The following GRID2 variants were observed in gnomAD, a reference collection of about 807,000 sequenced individuals.
GRID2 encodes the protein glutamate ionotropic receptor delta type subunit 2, also known as glutamate receptor ionotropic, delta-2.
GRID2 carries 33 observed loss-of-function variants against 114.8 expected under a neutral mutation model. The observed-to-expected ratio is 0.29, with a 90% CI of 0.22 to 0.38. The LOEUF (loss-of-function observed/expected upper bound fraction) is 0.38. Among genes scored for constraint, GRID2 ranks in the 10% least tolerant of loss-of-function variants. The probability of loss-of-function intolerance (pLI) is 1.00; values close to 1 mark genes in which losing one functional copy is unlikely to be tolerated. For missense variants in GRID2, 1,184 were observed against 1,257.7 expected (o/e 0.94, Z 0.89); for synonymous variants, 505 against 449.9 (o/e 1.12, Z -1.55).
intron 7 of GRID2, among the ~76,000 whole-genome samples, chr4:93,235,669 G>A (rs11933318): frequency 0.086 from 13,003 of 152,076 alleles, 653 homozygotes; most frequent in East Asian, 0.25. Context: ...CATGCCAACG[G>A]CTCATTAGGA....
chr4:93,261,858 G>A (rs1750290355), intron 8 of GRID2, among the ~76,000 whole-genome samples: 1 of 151,072 alleles, frequency 6.6e-6, no homozygotes, highest in Admixed American at 6.6e-5. Context: ...CCTTGTTTAT[G>A]TTTTCTGTAT....
At chr4:92,435,422 G>T (rs1264923993) in intron 1 of GRID2, among the ~76,000 whole-genome samples, 3 of 152,178 alleles carry the variant, frequency 2.0e-5, no homozygotes, top group Non-Finnish European at 4.4e-5. Context: ...TACAGTGGAA[G>T]AATGTGCTAC....
intron 2 of GRID2, among the ~76,000 whole-genome samples, chr4:93,039,539 G>C (rs938742793): frequency 6.6e-6 from 1 of 151,874 alleles, no homozygotes; most frequent in African/African-American, 2.4e-5. Context: ...TCATTAGTTG[G>C]AATACAGCAG....
chr4:93,772,036 G>C lies in GRID2; in HGVS notation c.2602-40G>C, dbSNP rs762421930. On this transcript the variant is annotated intron_variant, in intron 15 of 15. Coordinates refer to ENST00000282020, the MANE Select transcript of GRID2 (RefSeq NM_001510.4). ...TTTTTTTTTTTAACCATCAAAGCTA[G>C]TACTGATGAGAACCTTATTTTCTTT... The C allele has an allele frequency of 1.4e-5, 17 of 1,240,038 alleles. No individual in the cohort carries two copies. In the South Asian group the frequency reaches 2.2e-4, roughly 16 times the overall value. The allele number at this position is 1,240,038 out of a possible 1,614,324, so 76.8% of individuals were successfully genotyped here.
intron 3 of GRID2, 98 bp downstream of exon 3, chr4:93,085,377 A>C: frequency 1.1e-6 from 1 of 924,218 alleles, no homozygotes; most frequent in African/African-American, 1.7e-5. Context: ...ACTCATTGTT[A>C]TTTGTGGTTT....
chr4:93,054,984 A>G (rs1727085857), intron 2 of GRID2, among the ~76,000 whole-genome samples: 1 of 151,916 alleles, frequency 6.6e-6, no homozygotes, highest in Non-Finnish European at 1.5e-5. Context: ...GACAAGTACT[A>G]TGTCACTGAC....
At chr4:92,605,790 C>A (rs955965550) in intron 2 of GRID2, among the ~76,000 whole-genome samples, 5 of 152,040 alleles carry the variant, frequency 3.3e-5, no homozygotes, top group African/African-American at 1.2e-4. Flanking sequence ...AATGTCATTC[C>A]TTGCTTGTCA....
At chr4:93,758,685 T>C (rs1732962093) in intron 14 of GRID2, among the ~76,000 whole-genome samples, 1 of 151,202 alleles carries the variant, frequency 6.6e-6, no homozygotes, top group South Asian at 2.1e-4. Context: ...TAAAGGTTAA[T>C]TGTCAGACTC....
At chr4:93,243,779 A>G (rs772467968) in intron 8 of GRID2, among the ~76,000 whole-genome samples, 44 of 152,152 alleles carry the variant, frequency 2.9e-4, no homozygotes, top group Admixed American at 1.4e-3. Flanking sequence ...TAATTTTTAC[A>G]TGTTCTTCTA....
intron 2 of GRID2, among the ~76,000 whole-genome samples, chr4:92,929,418 A>G (rs1170774355): frequency 3.3e-5 from 5 of 151,348 alleles, no homozygotes; most frequent in African/African-American, 4.8e-5. Flanking sequence ...ATACATTAAA[A>G]AACCTAACTT....
chr4:93,016,117 T>C (rs1024887277), intron 2 of GRID2, among the ~76,000 whole-genome samples: 3 of 150,772 alleles, frequency 2.0e-5, no homozygotes, highest in African/African-American at 7.3e-5. Context: ...GTTTGGAAGA[T>C]GAGAGGCTTG....
chr4:93,347,545 T>G (rs1302046186), intron 8 of GRID2, among the ~76,000 whole-genome samples: 1 of 152,164 alleles, frequency 6.6e-6, no homozygotes, highest in African/African-American at 2.4e-5. Context: ...ATTCCTTATA[T>G]GATTTTCATC....
intron 1 of GRID2, among the ~76,000 whole-genome samples, chr4:92,425,807 G>T (rs539748133): frequency 6.6e-6 from 1 of 152,184 alleles, no homozygotes; most frequent in South Asian, 2.1e-4. Context: ...ATTTATGAAA[G>T]AGATGAAAAA....
intron 2 of GRID2, among the ~76,000 whole-genome samples, chr4:92,694,574 AT>A (rs5860287): frequency 0.62 from 94,266 of 151,970 alleles, 32,089 homozygotes; most frequent in African/African-American, 0.91. Context: ...ACTTTTGTAA[AT>A]TTTTTGAAGG....
At chr4:92,653,325 GTC>G (rs201876755) in intron 2 of GRID2, among the ~76,000 whole-genome samples, 1 of 141,588 alleles carries the variant, frequency 7.1e-6, no homozygotes, top group East Asian at 2.1e-4. Flanking sequence ...ACACACATGT[GTC>G]TGTGTGTGTG....
intron 2 of GRID2, among the ~76,000 whole-genome samples, chr4:92,744,480 T>C (rs1273651600): frequency 1.5e-5 from 2 of 137,194 alleles, no homozygotes; most frequent in African/African-American, 2.8e-5. Context: ...AGAGCAATCC[T>C]CCATCTCAAA....
chr4:93,224,630 T>C lies in GRID2; in HGVS notation c.980T>C (p.Ile327Thr). Reference protein sequence around the residue: ...AQNMEISNLYIYDTVLLLANA... With the variant: ...AQNMEISNLYTYDTVLLLANA... The stretch of plus-strand genomic sequence containing the variant: ...TCTTTTCAGATTTCCAACCTTTACA[T>C]ATATGACACGGTGCTTCTGCTTGCT... Residue 327 changes from isoleucine (I) to threonine (T), a missense_variant, in exon 7 of 16, where the codon ATA becomes ACA. By Grantham distance (89) the Ile-to-Thr change is moderately conservative (BLOSUM62 -1). Around this residue, in one of 3 missense-constraint regions of GRID2, gnomAD observed 455 missense variants for 429.5 expected, o/e 1.06. Coordinates refer to ENST00000282020, the MANE Select transcript of GRID2 (RefSeq NM_001510.4). 2.5e-6 allele frequency: 4 copies of C among 1,609,818 alleles called. No homozygotes were observed. The highest frequency in any genetic ancestry group is 3.4e-6 in the Non-Finnish European group (4 of 1,176,490).
At chr4:93,716,687 C>T (rs1029847515) in intron 14 of GRID2, among the ~76,000 whole-genome samples, 16 of 151,802 alleles carry the variant, frequency 1.1e-4, no homozygotes, top group Non-Finnish European at 7.4e-5. Context: ...ATATGATATA[C>T]CTTTTAAAAT....
intron 2 of GRID2, among the ~76,000 whole-genome samples, chr4:92,896,888 A>G (rs1307354736): frequency 1.3e-5 from 2 of 152,070 alleles, no homozygotes; most frequent in African/African-American, 4.8e-5. Context: ...GATTACAGGT[A>G]TGTGCGACGA....
Sources: allele counts gnomAD v4.1 joint callset (sites outside exome capture counted in the v4.1 genomes callset), GRCh38; gene constraint gnomAD v4.1.1; regional missense constraint gnomAD v4.1.1; transcripts MANE v1.5; gene names NCBI Gene and HGNC (gene_info 2026-07-23, HGNC 2026-07-21).